The following CALN1 variants were observed in gnomAD, a reference collection of about 807,000 sequenced individuals.
CALN1 encodes calneuron 1.
CALN1 carries 17 observed loss-of-function variants against 30.6 expected under a neutral mutation model. The observed-to-expected ratio is 0.56, with a 90% CI of 0.38 to 0.83. The LOEUF (loss-of-function observed/expected upper bound fraction) is 0.83. Among genes scored for constraint, CALN1 ranks in the 40% least tolerant of loss-of-function variants. CALN1 has a pLI of 0.00. For synonymous variants in CALN1, 156 were observed against 131.4 expected, an observed-to-expected ratio of 1.19 and a Z score of -1.28; for missense variants, 291 against 354.9, an observed-to-expected ratio of 0.82 and a Z score of 1.45.
intron 4 of CALN1, among the ~76,000 whole-genome samples, chr7:72,097,338 T>C (rs188967186): frequency 2.1e-4 from 32 of 152,154 alleles, no homozygotes; most frequent in African/African-American, 7.5e-4. Flanking sequence ...CAGAAATCAG[T>C]CAAATACATC....
At chr7:72,188,924 A>C (rs1417130311) in intron 3 of CALN1, among the ~76,000 whole-genome samples, 1 of 152,020 alleles carries the variant, frequency 6.6e-6, no homozygotes, top group African/African-American at 2.4e-5. Context: ...TACACCGCAC[A>C]CACACAAAGC....
chr7:72,039,509 AT>A (rs1442984169), intron 4 of CALN1, among the ~76,000 whole-genome samples: 1 of 152,236 alleles, frequency 6.6e-6, no homozygotes, highest in East Asian at 1.9e-4. Flanking sequence ...CAGGCTACTA[AT>A]CACATTACAG....
chr7:72,105,794 G>T lies in CALN1; in HGVS notation c.388+357C>A, dbSNP rs866983834. Among the ~76,000 whole-genome samples the T allele has an allele frequency of 4.5e-3, 448 of 100,024 alleles. 5 individuals are homozygous for T. The highest frequency in any genetic ancestry group is 0.032 in the East Asian group (80 of 2,474). 65.6% of individuals were successfully genotyped at this position (100,024 alleles called of 152,430 possible). On this transcript the variant is annotated intron_variant, in intron 4 of 6. Coordinates refer to ENST00000395275, the MANE Select transcript of CALN1 (RefSeq NM_031468.4). Reference sequence around the variant, plus strand: ...AAGGAGGAGGAGGAGGAGGGGGGAGGGAGGGAGGGAGGAGGAGGAGGGGGA... The same window carrying T: ...AAGGAGGAGGAGGAGGAGGGGGGAGTGAGGGAGGGAGGAGGAGGAGGGGGA...
At chr7:72,144,842 C>A (rs892330226) in intron 3 of CALN1, among the ~76,000 whole-genome samples, 1 of 151,964 alleles carries the variant, frequency 6.6e-6, no homozygotes, top group Non-Finnish European at 1.5e-5. Context: ...CTCAACTACA[C>A]GGAAACAACA....
Position 72,186,453 on chromosome 7 carries a change from G to A in CALN1, c.245-80159C>T, listed in dbSNP as rs547871598. 2.6e-5 allele frequency among the ~76,000 whole-genome samples: 4 copies of A among 152,136 alleles called. No individual in the cohort carries two copies. In the East Asian group the frequency reaches 5.8e-4, roughly 22 times the overall value. On this transcript the variant is annotated intron_variant, in intron 3 of 6. Transcript: ENST00000395275. ...ATTTTTTTAAACTGTACATTCGGGG[G>A]TACATGTGCAGGTTTGTTACCTGAC...
chr7:72,017,450 A>G (rs571989081), intron 5 of CALN1, among the ~76,000 whole-genome samples: 1 of 152,266 alleles, frequency 6.6e-6, no homozygotes, highest in Non-Finnish European at 1.5e-5. Flanking sequence ...TTGGGGAACG[A>G]GTACCCTATG....
At chr7:72,346,244 GC>G (rs1490965879) in intron 2 of CALN1, among the ~76,000 whole-genome samples, 1 of 152,088 alleles carries the variant, frequency 6.6e-6, no homozygotes, top group Non-Finnish European at 1.5e-5. Context: ...AAGGTCAATT[GC>G]GCAAAATGGT....
chr7:71,997,645 A>T (rs1305600736), intron 5 of CALN1, among the ~76,000 whole-genome samples: 1 of 152,220 alleles, frequency 6.6e-6, no homozygotes, highest in African/African-American at 2.4e-5. Context: ...TCTGATGATA[A>T]CTAAAAACTC....
chr7:72,035,315 C>T (rs73368200), intron 4 of CALN1, among the ~76,000 whole-genome samples: 1,732 of 152,226 alleles, frequency 0.011, 46 homozygotes, highest in African/African-American at 0.039. Flanking sequence ...CACCATTCTA[C>T]TTTCTCTCGG....
At position 71,809,478 on chromosome 7, in the gene CALN1, AG is replaced by A. The variant is rs1376419854; in HGVS notation, c.658+857del. Reference sequence around the variant, plus strand: ...ATTTAAATGTTCAAAAAAAAAAAAAAGAAAAGAAAAGAAAAAAAATTTGACC... The same window carrying A: ...ATTTAAATGTTCAAAAAAAAAAAAAAAAAAGAAAAGAAAAAAAATTTGACC... On this transcript the variant is annotated intron_variant, in intron 6 of 6. Coordinates refer to ENST00000395275, the MANE Select transcript of CALN1 (RefSeq NM_031468.4). Among the ~76,000 whole-genome samples the A allele has an allele frequency of 2.0e-3, 267 of 130,612 alleles. 1 individual carries two copies. The highest frequency in any genetic ancestry group is 2.9e-3 in the South Asian group (12 of 4,190). The allele number at this position is 130,612 out of a possible 152,430, so 85.7% of individuals were successfully genotyped here.
chr7:72,195,698 A>G (rs1790939608), intron 3 of CALN1, among the ~76,000 whole-genome samples: 1 of 152,154 alleles, frequency 6.6e-6, no homozygotes, highest in Non-Finnish European at 1.5e-5. Context: ...TACCTTATTC[A>G]TCAACCCATT....
At chr7:72,199,414 A>C (rs1791259639) in intron 3 of CALN1, among the ~76,000 whole-genome samples, 1 of 152,192 alleles carries the variant, frequency 6.6e-6, no homozygotes, top group South Asian at 2.1e-4. Context: ...GCCTAAATCT[A>C]GAAGGAACTG....
chr7:72,341,670 T>C (rs978078645), intron 2 of CALN1, among the ~76,000 whole-genome samples: 2 of 152,232 alleles, frequency 1.3e-5, no homozygotes, highest in Non-Finnish European at 2.9e-5. Flanking sequence ...CCTTCCTGCC[T>C]GCGTAAATTT....
intron 6 of CALN1, 22 bp downstream of exon 6, chr7:71,810,314 G>T: frequency 6.2e-7 from 1 of 1,611,484 alleles, no homozygotes; most frequent in Non-Finnish European, 8.5e-7. Flanking sequence ...ACCGGGGAGG[G>T]GATGGCAGCA....
At chr7:72,301,627 A>AAAAGC (rs1554359550) in intron 2 of CALN1, among the ~76,000 whole-genome samples, 6 of 151,218 alleles carry the variant, frequency 4.0e-5, no homozygotes, top group Non-Finnish European at 7.4e-5. Flanking sequence ...AAAAAAAAAA[A>AAAAGC]AAGCAAGCAG....
intron 2 of CALN1, among the ~76,000 whole-genome samples, chr7:72,392,567 C>T (rs1805643028): frequency 6.6e-6 from 1 of 152,170 alleles, no homozygotes; most frequent in African/African-American, 2.4e-5. Context: ...GACTTGTACC[C>T]AGAGTAGTAC....
At chr7:72,345,413 GAGAAA>G (rs1303572544) in intron 2 of CALN1, among the ~76,000 whole-genome samples, 2 of 143,948 alleles carry the variant, frequency 1.4e-5, no homozygotes, top group Non-Finnish European at 3.0e-5. Context: ...AAAGAAAGAA[GAGAAA>G]GGAAAGAAAG....
At chr7:72,372,869 G>C (rs1015687915) in intron 2 of CALN1, among the ~76,000 whole-genome samples, 1 of 152,096 alleles carries the variant, frequency 6.6e-6, no homozygotes, top group Non-Finnish European at 1.5e-5. Context: ...AAAATACAAT[G>C]AACCAAGAAA....
At chr7:71,972,354 G>A (rs180771077) in intron 5 of CALN1, among the ~76,000 whole-genome samples, 16 of 152,310 alleles carry the variant, frequency 1.1e-4, no homozygotes, top group Non-Finnish European at 1.8e-4. Context: ...TGGGCCAAAA[G>A]ACTTCTGGTT....
Sources: allele counts gnomAD v4.1 joint callset (sites outside exome capture counted in the v4.1 genomes callset), GRCh38; gene constraint gnomAD v4.1.1; transcripts MANE v1.5; gene names NCBI Gene and HGNC (gene_info 2026-07-23, HGNC 2026-07-21).